The following USP2 variants were observed in gnomAD, a reference collection of about 807,000 sequenced individuals.
The protein encoded by USP2 is ubiquitin specific peptidase 2.
USP2 carries 33 observed loss-of-function variants against 72.0 expected under a neutral mutation model. The observed-to-expected ratio is 0.46, with a 90% CI of 0.35 to 0.61. The LOEUF (loss-of-function observed/expected upper bound fraction) is 0.61, where lower values mean the gene tolerates loss of function less well. Ranked by LOEUF, USP2 falls within the 20% of genes least tolerant of loss-of-function variation. The pLI is 0.01. For missense variants in USP2, 691 were observed against 797.8 expected (o/e 0.87, Z 1.61); for synonymous variants, 296 against 312.5 (o/e 0.95, Z 0.56).
chr11:119,377,011 CAATT>C (rs1951010608), intron 1 of USP2, among the ~76,000 whole-genome samples: 1 of 152,184 alleles, frequency 6.6e-6, no homozygotes, highest in South Asian at 2.1e-4. Context: ...AACATTTTCA[CAATT>C]AAAAAATAAA....
At chr11:119,360,763 T>C (rs1398468281) in intron 2 of USP2, among the ~76,000 whole-genome samples, 1 of 152,218 alleles carries the variant, frequency 6.6e-6, no homozygotes, top group Non-Finnish European at 1.5e-5. Context: ...AAAAATATTC[T>C]TCAGGGCTTT....
chr11:119,367,441 T>A (rs895439597), intron 2 of USP2, among the ~76,000 whole-genome samples: 1 of 152,216 alleles, frequency 6.6e-6, no homozygotes, highest in Non-Finnish European at 1.5e-5. Context: ...CTAAGGCAGA[T>A]GTCTTAAAGC....
chr11:119,356,890 G>C lies in USP2; in HGVS notation c.1763C>G (p.Thr588Ser). The stretch of plus-strand genomic sequence containing the variant: ...GTAGAAGAGCAGGTAGGCGTCGCTG[G>C]TGCGCACTTGGCTGGAGGACATGGG... Reference protein sequence around the residue: ...VTPMSSSQVRTSDAYLLFYEL... With the variant: ...VTPMSSSQVRSSDAYLLFYEL... Residue 588 changes from threonine to serine, a missense_variant, in exon 13 of 13, where the codon ACC (threonine) becomes AGC (serine). Thr to Ser is a moderately conservative substitution (Grantham distance 58). Coordinates refer to ENST00000260187, the MANE Select transcript of USP2 (RefSeq NM_004205.5). 1 of 1,564,656 alleles carries C rather than the reference G, an allele frequency of 6.4e-7. No homozygotes were observed. Among genetic ancestry groups the C allele is most frequent in the Non-Finnish European group, 8.7e-7 (1 of 1,155,040 alleles).
rs556655360 is a variant in USP2, at chr11:119,376,453, C to T, written c.-41-2932G>A. 16 of 960,314 alleles carry T rather than the reference C, an allele frequency of 1.7e-5. No homozygotes were observed. The East Asian group carries it at 1.6e-3, about 97-fold the overall frequency. 59.5% of individuals were successfully genotyped at this position (960,314 alleles called of 1,614,324 possible). A position where few individuals can be genotyped will look rare whatever the true frequency, so the allele number is the denominator to read the frequency against. ...ACCCCTCCCTGCCCAGTGCGGGGGG[C>T]CCCTGCTGCCCAGCTCCTTTCACTG... is the stretch of plus-strand genomic sequence containing the variant. On this transcript the variant is annotated intron_variant, in intron 1 of 12. Coordinates refer to ENST00000260187, the MANE Select transcript of USP2 (RefSeq NM_004205.5).
At chr11:119,360,391 G>A (rs1390254640) in intron 2 of USP2, 157 bp from the exon 3 acceptor site, 16 of 771,488 alleles carry the variant, frequency 2.1e-5, no homozygotes, top group African/African-American at 3.4e-5. Flanking sequence ...TTGTAGGAAA[G>A]AGGATTGAGG....
chr11:119,365,917 C>T (rs1390034095), intron 2 of USP2, among the ~76,000 whole-genome samples: 12 of 146,658 alleles, frequency 8.2e-5, no homozygotes, highest in Admixed American at 4.1e-4. Context: ...TTTTTTGAGA[C>T]GGAGGCTTGC....
intron 2 of USP2, among the ~76,000 whole-genome samples, chr11:119,363,606 CG>C (rs1565307357): frequency 6.7e-6 from 1 of 148,256 alleles, no homozygotes; most frequent in Admixed American, 6.7e-5. Context: ...CACCTGGTGC[CG>C]GGGCCACCGA....
chr11:119,374,727 T>C (rs1201650871), intron 1 of USP2, among the ~76,000 whole-genome samples: 3 of 152,026 alleles, frequency 2.0e-5, no homozygotes, highest in South Asian at 4.2e-4. Flanking sequence ...TCAGACGCCT[T>C]TCCCCGAGGG....
intron 10 of USP2, 43 bp from the exon 11 acceptor site, chr11:119,357,633 G>A (rs750987058): frequency 6.2e-7 from 1 of 1,613,948 alleles, no homozygotes; most frequent in South Asian, 1.1e-5. Context: ...CAATGCAGAA[G>A]GGCAGACAAC....
At chr11:119,361,136 T>A (rs957380729) in intron 2 of USP2, among the ~76,000 whole-genome samples, 3 of 152,178 alleles carry the variant, frequency 2.0e-5, no homozygotes, top group Non-Finnish European at 2.9e-5. Context: ...GATTAAAGAC[T>A]CGGAGAATCC....
chr11:119,375,922 C>G (rs955879698), intron 1 of USP2, among the ~76,000 whole-genome samples: 2 of 152,222 alleles, frequency 1.3e-5, no homozygotes, highest in Admixed American at 1.3e-4. Context: ...GGCCACATCT[C>G]TGGCCCACAG....
intron 2 of USP2, among the ~76,000 whole-genome samples, chr11:119,371,340 T>G (rs1383947827): frequency 3.9e-5 from 6 of 152,114 alleles, no homozygotes; most frequent in Non-Finnish European, 2.9e-5. Context: ...AAGTGAGTCC[T>G]GCTCCACTCC....
intron 1 of USP2, chr11:119,376,396 G>C: frequency 1.0e-6 from 1 of 985,682 alleles, no homozygotes; most frequent in Non-Finnish European, 1.2e-6. Context: ...ATGGGGCAGT[G>C]GGAGGCAAGC....
rs1950655124 is a variant in USP2 at position 119,356,558 on chromosome 11, A to G, written c.*277T>C. On this transcript the variant is annotated 3_prime_UTR_variant, in exon 13 of 13. Coordinates refer to ENST00000260187, the MANE Select transcript of USP2 (RefSeq NM_004205.5). The stretch of plus-strand genomic sequence containing the variant: ...CCCAAGACACAGTTGTTTCTGACAC[A>G]TAGGAAGACCACAAGTTTACAAATG... 1 of 443,858 alleles carries G rather than the reference A, an allele frequency of 2.3e-6. No homozygotes were observed. The highest frequency in any genetic ancestry group is 4.0e-6 in the Non-Finnish European group (1 of 250,060). The allele number at this position is 443,858 out of a possible 1,614,324, so 27.5% of individuals were successfully genotyped here. A position where few individuals can be genotyped will look rare whatever the true frequency, so the allele number is the denominator to read the frequency against.
At chr11:119,369,606 T>A (rs528264658) in intron 2 of USP2, among the ~76,000 whole-genome samples, 1 of 152,306 alleles carries the variant, frequency 6.6e-6, no homozygotes, top group South Asian at 2.1e-4. Flanking sequence ...TAAGTTTAAA[T>A]GACCTCTTCT....
chr11:119,366,805 TC>T (rs1591326021), intron 2 of USP2, among the ~76,000 whole-genome samples: 1 of 152,166 alleles, frequency 6.6e-6, no homozygotes, highest in African/African-American at 2.4e-5. Flanking sequence ...TTGGCCTGTT[TC>T]CCCATGACTT....
At chr11:119,360,393 G>T in intron 2 of USP2, 159 bp from the exon 3 acceptor site, 1 of 773,900 alleles carries the variant, frequency 1.3e-6, no homozygotes, top group Non-Finnish European at 2.2e-6. Context: ...GTAGGAAAGA[G>T]GATTGAGGAA....
intron 1 of USP2, among the ~76,000 whole-genome samples, chr11:119,379,816 ACTT>A (rs1375783032): frequency 1.3e-5 from 2 of 151,774 alleles, no homozygotes; most frequent in African/African-American, 4.8e-5. Flanking sequence ...GAATACTTCC[ACTT>A]CTTATTATAA....
At chr11:119,364,138 C>T (rs1332443900) in intron 2 of USP2, 7 of 1,217,792 alleles carry the variant, frequency 5.7e-6, no homozygotes, top group Non-Finnish European at 7.1e-6. Flanking sequence ...CGAACGCGCG[C>T]TCCTCCGCCT....
Sources: gnomAD v4.1 joint callset for allele counts (sites outside exome capture counted in the v4.1 genomes callset) on GRCh38, gnomAD v4.1.1 for gene constraint, MANE v1.5 for transcripts, NCBI Gene and HGNC (gene_info 2026-07-23, HGNC 2026-07-21) for gene names.